MYH8: variants seen among roughly 807,000 people sequenced by gnomAD.
The protein encoded by MYH8 is myosin heavy chain 8.
Under a neutral mutation model 233.2 loss-of-function variants are expected in MYH8, and 168 were observed. The observed-to-expected ratio is 0.72, with a 90% CI of 0.64 to 0.82. The LOEUF (loss-of-function observed/expected upper bound fraction) is 0.82, where lower values mean the gene tolerates loss of function less well. MYH8 is among the 40% of genes least tolerant of loss of function. The pLI is 0.00. For synonymous variants in MYH8, 785 were observed against 850.6 expected, an observed-to-expected ratio of 0.92 and a Z score of 1.34; for missense variants, 1,995 against 2,327.8, an observed-to-expected ratio of 0.86 and a Z score of 2.94.
At position 10,409,269 on chromosome 17, in the gene MYH8, C is replaced by T. The variant is rs768344171; in HGVS notation, c.1897+10G>A. 1 of 1,614,010 alleles carries T rather than the reference C, an allele frequency of 6.2e-7. No homozygotes were observed. Among genetic ancestry groups the T allele is most frequent in the Non-Finnish European group, 8.5e-7 (1 of 1,179,974 alleles). On this transcript the variant is annotated intron_variant, in intron 16 of 39. Transcript: ENST00000403437. ...ATGGATTTAATTTAGATTAAGGACA[C>T]AGAAAGTACCTGCTTCAGCACTAGC...
Position 10,412,515 on chromosome 17 carries a change from T to C in MYH8, c.1271A>G (p.Tyr424Cys). Residue 424 changes from tyrosine to cysteine, a missense_variant, in exon 14 of 40, where the codon TAC becomes TGC. Tyr to Cys is a radical substitution (Grantham distance 194, BLOSUM62 -2). This residue lies in a region of MYH8 where 479 missense variants were observed against 600.9 expected (regional missense o/e 0.80). Coordinates refer to ENST00000403437, the MANE Select transcript of MYH8 (RefSeq NM_002472.3). ...TTTGGCCAGAGCACCCACCGCATTG[T>C]ACACCTTCACAGATAGAGTAATGTT... ...VTKGQTVQQV[Y>C]NAVGALAKAV... 6.2e-7 allele frequency: 1 copy of C among 1,614,256 alleles called. No homozygotes were observed. Among genetic ancestry groups the C allele is most frequent in the Non-Finnish European group, 8.5e-7 (1 of 1,180,052 alleles).
intron 5 of MYH8, 39 bp downstream of exon 5, chr17:10,418,606 A>T (rs1567690603): frequency 1.9e-6 from 3 of 1,613,016 alleles, no homozygotes; most frequent in Admixed American, 1.7e-5. Flanking sequence ...CAAAGATTCT[A>T]TTTACACATT....
intron 27 of MYH8, 131 bp from the exon 28 acceptor site, chr17:10,399,800 T>C: frequency 7.6e-7 from 1 of 1,322,202 alleles, no homozygotes; most frequent in Non-Finnish European, 1.1e-6. Context: ...ATCAACTCTG[T>C]GGAACATGCA....
chr17:10,412,459 C>G lies in MYH8; in HGVS notation c.1327G>C (p.Val443Leu), dbSNP rs766108256. ...AVYEKMFLWM[V>L]TRINQQLDTK... ...TCCAGCTGCTGGTTGATGCGGGTGA[C>G]CATCCACAGGAACATCTTCTCGTAG... Residue 443 changes from valine to leucine, a missense_variant, in exon 14 of 40, where the codon GTC becomes CTC. By Grantham distance (32) the Val-to-Leu change is conservative. Coordinates refer to ENST00000403437, the MANE Select transcript of MYH8 (RefSeq NM_002472.3). 4 of 1,614,246 alleles carry G rather than the reference C, an allele frequency of 2.5e-6. No homozygotes were observed. In the South Asian group the frequency reaches 4.4e-5, roughly 18 times the overall value.
intron 5 of MYH8, among the ~76,000 whole-genome samples, chr17:10,416,956 T>C (rs2072294767): frequency 6.6e-6 from 1 of 152,180 alleles, no homozygotes; most frequent in African/African-American, 2.4e-5. Context: ...ATAAAGAAAC[T>C]GAGACCTGTA....
At position 10,396,823 on chromosome 17, in the gene MYH8, T is replaced by A; in HGVS notation, c.4342A>T (p.Lys1448Ter). ...SNAACAALDK[K>*]QRNFDKVLSE... ...GCCACCTTGTCAAAGTTCCTTTGCTTCTTATCAAGGGCTGCACAGGCTGCA... is the reference window on the plus strand; with the variant it reads ...GCCACCTTGTCAAAGTTCCTTTGCTACTTATCAAGGGCTGCACAGGCTGCA... Residue 1448 changes from lysine (K) to a stop codon, truncating the protein, a stop_gained, in exon 31 of 40, where the codon AAG (lysine) becomes TAG (stop). Coordinates refer to ENST00000403437, the MANE Select transcript of MYH8 (RefSeq NM_002472.3). LOFTEE classifies it high-confidence loss of function. This position sits in a 1 kb window ranked among gnomAD's most constrained non-coding sequence, Gnocchi z 4.2. The A allele has an allele frequency of 6.2e-7, 1 of 1,614,226 alleles. No homozygotes were observed. The highest frequency in any genetic ancestry group is 8.5e-7 in the Non-Finnish European group (1 of 1,180,040).
Position 10,396,436 on chromosome 17 carries a change from G to A in MYH8, c.4547C>T (p.Thr1516Ile), listed in dbSNP as rs1364860639. ...KNLQQEISDL[T>I]EQIAEGGKQI... ...CTTTCCTCCCTCTGCAATCTGCTCA[G>A]TGAGGTCAGAAATCTCCTCTGTGGT... is the stretch of plus-strand genomic sequence containing the variant. The change falls in exon 33 of 40, where the codon ACT (threonine) becomes ATT (isoleucine). Residue 1516 changes from threonine to isoleucine, a missense_variant. Thr to Ile is a moderately conservative substitution (Grantham distance 89). Around this residue, in one of 3 missense-constraint regions of MYH8, gnomAD observed 1,498 missense variants for 1,680.9 expected, o/e 0.89. Coordinates refer to ENST00000403437, the MANE Select transcript of MYH8 (RefSeq NM_002472.3). This position sits in a 1 kb window ranked among gnomAD's most constrained non-coding sequence, Gnocchi z 4.2. 6.2e-7 allele frequency: 1 copy of A among 1,614,060 alleles called. No individual in the cohort carries two copies. Among genetic ancestry groups the A allele is most frequent in the East Asian group, 2.2e-5 (1 of 44,884 alleles).
chr17:10,395,093 T>C (rs199582358), intron 34 of MYH8, 40 bp downstream of exon 34: 1 of 1,609,082 alleles, frequency 6.2e-7, no homozygotes, highest in African/African-American at 1.3e-5. Flanking sequence ...GACAGGTACT[T>C]TCCCTGCTTC....
chr17:10,399,702 T>C (rs2072117452), intron 27 of MYH8, 33 bp from the exon 28 acceptor site: 7 of 1,613,130 alleles, frequency 4.3e-6, no homozygotes, highest in Non-Finnish European at 5.9e-6. Flanking sequence ...AGATGAGACA[T>C]TGAATGCAAT....
Position 10,398,594 on chromosome 17 carries a change from C to T in MYH8, c.4028G>A (p.Cys1343Tyr), listed in dbSNP as rs2072101756. The T allele has an allele frequency of 6.2e-7, 1 of 1,614,092 alleles. No homozygotes were observed. Among genetic ancestry groups the T allele is most frequent in the South Asian group, 1.1e-5 (1 of 91,090 alleles). Residue 1343 changes from cysteine (C) to tyrosine (Y), a missense_variant, in exon 30 of 40, where the codon TGC (cysteine) becomes TAC (tyrosine). Coordinates refer to ENST00000403437, the MANE Select transcript of MYH8 (RefSeq NM_002472.3). The part of the protein sequence containing the change: ...AHALQSSRHD[C>Y]DLLREQYEEE... ...CTCATACTGTTCCCGCAGCAGGTCG[C>T]AGTCATGGCGGGAGGACTGCAGGGC...
chr17:10,391,397 C>T (rs115756685), intron 39 of MYH8, among the ~76,000 whole-genome samples: 405 of 152,212 alleles, frequency 2.7e-3, no homozygotes, highest in African/African-American at 9.2e-3. Context: ...AAAAATATCT[C>T]GGCTGGGCGT....
intron 2 of MYH8, 29 bp downstream of exon 2, chr17:10,421,634 A>G (rs1166342360): frequency 6.6e-6 from 1 of 152,212 alleles, no homozygotes; most frequent in Non-Finnish European, 1.5e-5. Flanking sequence ...CCCCTCTGTC[A>G]TCAATAAATT....
At position 10,419,094 on chromosome 17, in the gene MYH8, T is replaced by G; in HGVS notation, c.211-64A>C. The G allele has an allele frequency of 1.2e-6, 2 of 1,602,286 alleles. No homozygotes were observed. Among genetic ancestry groups the G allele is most frequent in the Non-Finnish European group, 1.7e-6 (2 of 1,171,642 alleles). ...TTGTTTGAGATAGAGTTTTGCTTTT[T>G]TTGCCCAGGCTGGAGTGCAGTGGCG... On this transcript the variant is annotated intron_variant, in intron 3 of 39. Coordinates refer to ENST00000403437, the MANE Select transcript of MYH8 (RefSeq NM_002472.3). This position sits in a 1 kb window ranked among gnomAD's most constrained non-coding sequence, Gnocchi z 4.0.
intron 39 of MYH8, 70 bp downstream of exon 39, chr17:10,391,812 G>T: frequency 1.8e-6 from 2 of 1,114,274 alleles, no homozygotes; most frequent in East Asian, 2.4e-5. Context: ...CCTTATTGAC[G>T]CATTCTCTTA....
chr17:10,420,397 AT>A, intron 2 of MYH8, 140 bp from the exon 3 acceptor site: 1 of 772,744 alleles, frequency 1.3e-6, no homozygotes, highest in East Asian at 2.7e-5. Flanking sequence ...GTGTTCTAAC[AT>A]AGTCTAAAGG....
chr17:10,403,131 TG>T (rs2072158350), intron 22 of MYH8, among the ~76,000 whole-genome samples: 1 of 152,208 alleles, frequency 6.6e-6, no homozygotes, highest in Non-Finnish European at 1.5e-5. Flanking sequence ...AAAAATAGAA[TG>T]AACAGTGATA....
rs143289621 is a variant in MYH8, at chr17:10,391,027, C to T, written c.5665-424G>A. Among the ~76,000 whole-genome samples the T allele has an allele frequency of 1.8e-4, 27 of 152,310 alleles. 1 individual carries two copies. The East Asian group carries it at 4.1e-3, about 23-fold the overall frequency. On this transcript the variant is annotated intron_variant, in intron 39 of 39. Coordinates refer to ENST00000403437, the MANE Select transcript of MYH8 (RefSeq NM_002472.3). Reference sequence around the variant, plus strand: ...GTTAATTGACTCATTGCCATTTATGCCTCTCCCTTTTTTCTTTCCTTTTCT... The same window carrying T: ...GTTAATTGACTCATTGCCATTTATGTCTCTCCCTTTTTTCTTTCCTTTTCT...
chr17:10,413,163 A>G (rs1402533439), intron 12 of MYH8, among the ~76,000 whole-genome samples: 1 of 152,240 alleles, frequency 6.6e-6, no homozygotes, highest in Non-Finnish European at 1.5e-5. Flanking sequence ...TTCTTTATCT[A>G]CAAATGTGGA....
In MYH8 at chr17:10,398,867, TA is replaced by T. The variant is rs748626340; in HGVS notation, c.3881del (p.Leu1294Ter). On this transcript the variant is annotated frameshift_variant, in exon 29 of 40. Coordinates refer to ENST00000403437, the MANE Select transcript of MYH8 (RefSeq NM_002472.3). LOFTEE classifies it high-confidence loss of function. The stretch of plus-strand genomic sequence containing the variant: ...GAGAGACTAAAGCATCTTTCTCATC[TA>T]ATTGTCGAGAATATTCACCTAGGAA... ...QTEAGEYSRQLDEKDALVSQL... is the reference protein window; with the variant it reads ...QTEAGEYSRQXDEKDALVSQL... The T allele has an allele frequency of 9.9e-6, 16 of 1,613,114 alleles. No homozygotes were observed. In the East Asian group the frequency reaches 3.6e-4, roughly 36 times the overall value.
Sources: gnomAD v4.1 joint callset for allele counts (sites outside exome capture counted in the v4.1 genomes callset) on GRCh38, gnomAD v4.1.1 for gene constraint, gnomAD v4.1.1 regional missense constraint, Gnocchi (gnomAD v3.1) non-coding constraint, MANE v1.5 for transcripts, NCBI Gene and HGNC (gene_info 2026-07-23, HGNC 2026-07-21) for gene names.